The following RAVER1 variants were observed in gnomAD, a reference collection of about 807,000 sequenced individuals.
RAVER1 encodes ribonucleoprotein PTB-binding 1.
Under a neutral mutation model 68.4 loss-of-function variants are expected in RAVER1, and 36 were observed. The observed-to-expected ratio is 0.53, with a 90% CI of 0.40 to 0.70. RAVER1 has a LOEUF of 0.70. Ranked by LOEUF, RAVER1 falls within the 30% of genes least tolerant of loss-of-function variation. The pLI, the probability that RAVER1 is intolerant of heterozygous loss-of-function variation, is 0.00. For missense variants in RAVER1, 933 were observed against 1,019.8 expected, an observed-to-expected ratio of 0.91 and a Z score of 1.16; for synonymous variants, 469 against 472.7, an observed-to-expected ratio of 0.99 and a Z score of 0.10.
intron 1 of RAVER1, among the ~76,000 whole-genome samples, chr19:10,332,787 G>A (rs957736538): frequency 2.2e-4 from 34 of 152,018 alleles, no homozygotes; most frequent in African/African-American, 7.7e-4. Context: ...TGAGGTTTTG[G>A]GGGCTGAGAC....
Position 10,321,153 on chromosome 19 carries a change from A to G in RAVER1, c.1368T>C (p.Gly456=). 7.8e-7 allele frequency: 1 copy of G among 1,282,776 alleles called. No homozygotes were observed. The highest frequency in any genetic ancestry group is 9.9e-7 in the Non-Finnish European group (1 of 1,012,290). The allele number at this position is 1,282,776 out of a possible 1,614,324, so 79.5% of individuals were successfully genotyped here. A position where few individuals can be genotyped will look rare whatever the true frequency, so the allele number is the denominator to read the frequency against. Residue 456 remains glycine (G), a synonymous_variant, in exon 8 of 13, where the codon GGT becomes GGC. Coordinates refer to ENST00000617231, the MANE Select transcript of RAVER1 (RefSeq NM_133452.3). ...GAGGAGTGAGCTGGGCCGCTGGGGG[A>G]CCCAAGCCCAGGGCCTCCCGGTCAC... ...AGGDREALGL[G]PPAAQLTPPP... is the part of the protein sequence containing the mutation.
intron 9 of RAVER1, 107 bp downstream of exon 9, chr19:10,320,548 C>A: frequency 1.0e-6 from 1 of 971,150 alleles, no homozygotes; most frequent in Non-Finnish European, 1.5e-6. Context: ...CTGGCACGTT[C>A]CCTGCCGCCT....
Position 10,321,544 on chromosome 19 carries a change from C to A in RAVER1, c.1248G>T (p.Gly416=). Residue 416 remains glycine, a synonymous_variant, in exon 7 of 13, where the codon GGG becomes GGT. Coordinates refer to ENST00000617231, the MANE Select transcript of RAVER1 (RefSeq NM_133452.3). ...GGTCTGCGTTACCTGCAGGCAGCTC[C>A]CCGAGGAGGGGGTTGGCTGGCTGGG... is the stretch of plus-strand genomic sequence containing the variant. ...PGAQPANPLL[G]ELPAGGGLPP... is the part of the protein sequence containing the mutation. 7.3e-7 allele frequency: 1 copy of A among 1,361,668 alleles called. No individual in the cohort carries two copies. The highest frequency in any genetic ancestry group is 9.5e-7 in the Non-Finnish European group (1 of 1,049,446). 84.3% of individuals were successfully genotyped at this position (1,361,668 alleles called of 1,614,324 possible).
chr19:10,318,870 T>C (rs1451201245), intron 10 of RAVER1, among the ~76,000 whole-genome samples: 1 of 152,026 alleles, frequency 6.6e-6, no homozygotes, highest in African/African-American at 2.4e-5. Flanking sequence ...CACTGCCCCA[T>C]AGAGTGGCAA....
chr19:10,331,393 C>CAAAAAAAAA (rs1171709414), intron 1 of RAVER1, among the ~76,000 whole-genome samples: 5 of 48,514 alleles, frequency 1.0e-4, no homozygotes, highest in African/African-American at 3.7e-4. Context: ...ATAACAACAA[C>CAAAAAAAAA]AAAAAAAAAA....
intron 10 of RAVER1, 121 bp downstream of exon 10, chr19:10,319,044 TA>T (rs1330545427): frequency 1.1e-5 from 10 of 913,822 alleles, no homozygotes; most frequent in African/African-American, 1.7e-5. Context: ...GATCCTGTCT[TA>T]AAAAAACCCA....
Position 10,328,922 on chromosome 19 carries a change from T to C in RAVER1, c.476A>G (p.Glu159Gly). 1 of 1,611,644 alleles carries C rather than the reference T, an allele frequency of 6.2e-7. No homozygotes were observed. The highest frequency in any genetic ancestry group is 1.1e-5 in the South Asian group (1 of 91,026). ...CTCACTGTAGACCAGGAAGCAGCGC[T>C]CCAGGCTGCCGAAGGGCCGCACCAG... The part of the protein sequence containing the change: ...EELVRPFGSL[E>G]RCFLVYSERT... Residue 159 changes from glutamate (E) to glycine (G), a missense_variant, in exon 3 of 13, where the codon GAG (glutamate) becomes GGG (glycine). By Grantham distance (98) the Glu-to-Gly change is moderately conservative. Coordinates refer to ENST00000617231, the MANE Select transcript of RAVER1 (RefSeq NM_133452.3). The surrounding 1 kb of genome is among the most constrained non-coding windows in gnomAD (Gnocchi z 4.4).
At position 10,322,683 on chromosome 19, in the gene RAVER1, C is replaced by T; in HGVS notation, c.1135G>A (p.Ala379Thr). Residue 379 changes from alanine to threonine, a missense_variant, in exon 6 of 13, where the codon GCG (alanine) becomes ACG (threonine). Physicochemically the swap from Ala to Thr is moderately conservative, Grantham distance 58. Transcript: ENST00000617231. This position sits in a 1 kb window ranked among gnomAD's most constrained non-coding sequence, Gnocchi z 4.3. ...GTCTGCAGGGCGAGCTGCAACAGCG[C>T]CGTGGACAGGGCTGGCCCATTGAGC... is the stretch of plus-strand genomic sequence containing the variant. ...PLLNGPALST[A>T]LLQLALQTQG... is the part of the protein sequence containing the mutation. 6.5e-7 allele frequency: 1 copy of T among 1,544,014 alleles called. No individual in the cohort carries two copies. The highest frequency in any genetic ancestry group is 8.7e-7 in the Non-Finnish European group (1 of 1,154,890).
chr19:10,319,240 C>T lies in RAVER1; in HGVS notation c.1771G>A (p.Asp591Asn). 1 of 1,613,556 alleles carries T rather than the reference C, an allele frequency of 6.2e-7. No individual in the cohort carries two copies. The highest frequency in any genetic ancestry group is 8.5e-7 in the Non-Finnish European group (1 of 1,179,578). Residue 591 changes from aspartate (D) to asparagine (N), a missense_variant and splice_region_variant, in exon 10 of 13, where the codon GAC becomes AAC. Coordinates refer to ENST00000617231, the MANE Select transcript of RAVER1 (RefSeq NM_133452.3). ...SDSYSFDYPS[D>N]MGPRRLFSHP... is the part of the protein sequence containing the mutation. ...GAGAAGAGCCGCCGAGGTCCCATGT[C>T]CTGAATGAAAGCGGGAGAAGCACAT... is the stretch of plus-strand genomic sequence containing the variant.
chr19:10,321,012 G>A (rs2040432707), intron 8 of RAVER1, 36 bp downstream of exon 8: 3 of 1,473,712 alleles, frequency 2.0e-6, no homozygotes, highest in East Asian at 5.2e-5. Flanking sequence ...CGGAACAGGA[G>A]GCTGGTGTGG....
chr19:10,325,915 A>G (rs1031721918), intron 3 of RAVER1, among the ~76,000 whole-genome samples: 3 of 152,084 alleles, frequency 2.0e-5, no homozygotes, highest in African/African-American at 7.2e-5. Context: ...AGGCTAGGAG[A>G]GTACCTGTAG....
chr19:10,333,184 CCG>C lies in RAVER1; in HGVS notation c.219+103_219+104del. ...GCGTGGATCCGGTGCTTGGGCGCCCCCGCCAACGACCCCCGCGCACCTCAGCG... is the reference window on the plus strand; with the variant it reads ...GCGTGGATCCGGTGCTTGGGCGCCCCCCAACGACCCCCGCGCACCTCAGCG... On this transcript the variant is annotated intron_variant, in intron 1 of 12. Transcript: ENST00000617231. The surrounding 1 kb of genome is among the most constrained non-coding windows in gnomAD (Gnocchi z 4.2). 8.3e-7 allele frequency: 1 copy of C among 1,199,042 alleles called. No homozygotes were observed. The highest frequency in any genetic ancestry group is 1.1e-6 in the Non-Finnish European group (1 of 869,606). 74.3% of individuals were successfully genotyped at this position (1,199,042 alleles called of 1,614,324 possible). A position where few individuals can be genotyped will look rare whatever the true frequency, so the allele number is the denominator to read the frequency against.
rs538193676 is a variant in RAVER1, at chr19:10,332,498, A to C, written c.219+791T>G. On this transcript the variant is annotated intron_variant, in intron 1 of 12. Coordinates refer to ENST00000617231, the MANE Select transcript of RAVER1 (RefSeq NM_133452.3). ...CCCCTCCCAACATCCCTGGGGTTCC[A>C]CTAGCCACGTGCCCACCCGGTGTGC... Among the ~76,000 whole-genome samples, 10 of 152,312 alleles carry C rather than the reference A, an allele frequency of 6.6e-5. No homozygotes were observed. In the South Asian group the frequency reaches 2.1e-3, roughly 32 times the overall value.
At chr19:10,330,392 T>C (rs1249226630) in intron 2 of RAVER1, 68 bp downstream of exon 2, 2 of 769,312 alleles carry the variant, frequency 2.6e-6, no homozygotes, top group African/African-American at 1.7e-5. Context: ...CAGCAGACAG[T>C]GAGCCAGGCC....
Position 10,321,076 on chromosome 19 carries a change from T to C in RAVER1, c.1445A>G (p.Asp482Gly). 1 of 1,358,794 alleles carries C rather than the reference T, an allele frequency of 7.4e-7. No individual in the cohort carries two copies. Among genetic ancestry groups the C allele is most frequent in the Non-Finnish European group, 9.5e-7 (1 of 1,057,260 alleles). 84.2% of individuals were successfully genotyped at this position (1,358,794 alleles called of 1,614,324 possible). The change falls in exon 8 of 13, where the codon GAC (aspartate) becomes GGC (glycine). Residue 482 changes from aspartate (D) to glycine (G), a missense_variant. Asp to Gly is a moderately conservative substitution (Grantham distance 94). Transcript: ENST00000617231. ...AGGGGGCGTCGGCAGAGGCCCACTG[T>C]CTTTCTGGAGGCCTCTGAGGCCAGA... Reference protein sequence around the residue: ...RGSGLRGLQKDSGPLPTPPGV... With the variant: ...RGSGLRGLQKGSGPLPTPPGV...
At chr19:10,331,500 G>A (rs1482921508) in intron 1 of RAVER1, among the ~76,000 whole-genome samples, 1 of 148,524 alleles carries the variant, frequency 6.7e-6, no homozygotes, top group Non-Finnish European at 1.5e-5. Flanking sequence ...ATCCTGGCCA[G>A]GAAGGTGAAA....
At chr19:10,320,993 G>A (rs774485694) in intron 8 of RAVER1, 42 bp from the exon 9 acceptor site, 2 of 1,481,924 alleles carry the variant, frequency 1.3e-6, no homozygotes, top group Non-Finnish European at 1.8e-6. Flanking sequence ...CCCGGGAGAG[G>A]GAACCCTGCG....
chr19:10,321,757 G>A (rs754942959), intron 6 of RAVER1, 139 bp from the exon 7 acceptor site: 16 of 535,456 alleles, frequency 3.0e-5, no homozygotes, highest in South Asian at 8.4e-5. Flanking sequence ...GGGTTCCCCA[G>A]TGCCCGCCAC....
chr19:10,321,615 G>A lies in RAVER1; in HGVS notation c.1177C>T (p.Pro393Ser). 7.1e-7 allele frequency: 1 copy of A among 1,414,594 alleles called. No individual in the cohort carries two copies. The highest frequency in any genetic ancestry group is 9.3e-7 in the Non-Finnish European group (1 of 1,080,138). The allele number at this position is 1,414,594 out of a possible 1,614,324, so 87.6% of individuals were successfully genotyped here. Residue 393 changes from proline to serine, a missense_variant, in exon 7 of 13, where the codon CCC (proline) becomes TCC (serine). Pro to Ser is a moderately conservative substitution (Grantham distance 74). Coordinates refer to ENST00000617231, the MANE Select transcript of RAVER1 (RefSeq NM_133452.3). ...LALQTQGQKKPGILGDSPLGA... is the reference protein window; with the variant it reads ...LALQTQGQKKSGILGDSPLGA... ...AGGGGTGAGTCTCCCAGGATGCCGG[G>A]CTTCTAGGGACAGAGCACAGACAGT...
Sources: allele counts gnomAD v4.1 joint callset (sites outside exome capture counted in the v4.1 genomes callset), GRCh38; gene constraint gnomAD v4.1.1; non-coding constraint Gnocchi (gnomAD v3.1); transcripts MANE v1.5; gene names NCBI Gene and HGNC (gene_info 2026-07-23, HGNC 2026-07-21).